POU2F1: variants seen among roughly 807,000 people sequenced by gnomAD.
POU2F1 encodes POU domain, class 2, transcription factor 1.
A neutral mutation model predicts 84.9 loss-of-function variants in POU2F1; 16 were observed. That is an observed-to-expected ratio of 0.19 (90% CI 0.13 to 0.29). The LOEUF is 0.29. Among genes scored for constraint, POU2F1 ranks in the 10% least tolerant of loss-of-function variants. POU2F1 has a pLI of 1.00. For synonymous variants in POU2F1, 368 were observed against 368.3 expected, an observed-to-expected ratio of 1.00 and a Z score of 0.01; for missense variants, 738 against 942.6, an observed-to-expected ratio of 0.78 and a Z score of 2.84.
At chr1:167,241,143 AAAATAAAT>A (rs916521381) in intron 1 of POU2F1, among the ~76,000 whole-genome samples, 4 of 152,192 alleles carry the variant, frequency 2.6e-5, no homozygotes, top group African/African-American at 7.2e-5. Flanking sequence ...ACGCCATCTA[AAAATAAAT>A]AAATAAATAA....
At chr1:167,285,518 G>T (rs551000317) in intron 1 of POU2F1, among the ~76,000 whole-genome samples, 1 of 152,002 alleles carries the variant, frequency 6.6e-6, no homozygotes, top group African/African-American at 2.4e-5. Flanking sequence ...CGTGAACCCC[G>T]GGAGGCAAAG....
At chr1:167,249,562 C>T (rs889886335) in intron 1 of POU2F1, among the ~76,000 whole-genome samples, 2 of 152,178 alleles carry the variant, frequency 1.3e-5, no homozygotes, top group African/African-American at 4.8e-5. Flanking sequence ...ACAGGAATGT[C>T]ATTCATGGAC....
At chr1:167,221,215 C>T (rs1312798405) in intron 1 of POU2F1, among the ~76,000 whole-genome samples, 1 of 151,432 alleles carries the variant, frequency 6.6e-6, no homozygotes, top group Non-Finnish European at 1.5e-5. Flanking sequence ...CCCGGCCCAC[C>T]CCGCCGCCGC....
chr1:167,363,517 T>C (rs1248981489), intron 2 of POU2F1, among the ~76,000 whole-genome samples: 6 of 152,318 alleles, frequency 3.9e-5, no homozygotes, highest in Non-Finnish European at 7.4e-5. Context: ...TTTAAAATAG[T>C]GAAACTTCTA....
chr1:167,383,757 CA>C (rs1647739658), intron 7 of POU2F1, 99 bp from the exon 8 acceptor site: 2 of 997,736 alleles, frequency 2.0e-6, no homozygotes, highest in Non-Finnish European at 3.0e-6. Context: ...TACCAGAGAT[CA>C]ACTGGAAATT....
At chr1:167,370,134 A>G in intron 3 of POU2F1, 27 bp from the exon 4 acceptor site, 3 of 1,594,024 alleles carry the variant, frequency 1.9e-6, no homozygotes, top group Non-Finnish European at 2.6e-6. Flanking sequence ...ACAGTATTAA[A>G]CTAGAACTTC....
chr1:167,312,210 A>G (rs1247069003), intron 1 of POU2F1, among the ~76,000 whole-genome samples: 1 of 150,710 alleles, frequency 6.6e-6, no homozygotes, highest in Non-Finnish European at 1.5e-5. Context: ...TGCTGGGATT[A>G]CAGGCGTGAG....
At chr1:167,274,199 G>A (rs537353694) in intron 1 of POU2F1, among the ~76,000 whole-genome samples, 3 of 152,210 alleles carry the variant, frequency 2.0e-5, no homozygotes, top group African/African-American at 7.2e-5. Flanking sequence ...TATTAGTTAC[G>A]TACCCCTCCT....
At chr1:167,410,521 A>T (rs71632307) in intron 13 of POU2F1, among the ~76,000 whole-genome samples, 21,944 of 150,536 alleles carry the variant, frequency 0.15, 1,846 homozygotes, top group Non-Finnish European at 0.2. Context: ...TATTATTATT[A>T]TTATTATTAT....
At chr1:167,375,953 A>T in intron 6 of POU2F1, 76 bp from the exon 7 acceptor site, 1 of 1,525,698 alleles carries the variant, frequency 6.6e-7, no homozygotes, top group Non-Finnish European at 9.0e-7. Flanking sequence ...GACAGAAGTC[A>T]TCAGCTGGAA....
chr1:167,320,708 C>T (rs963867691), intron 1 of POU2F1, among the ~76,000 whole-genome samples: 2 of 152,120 alleles, frequency 1.3e-5, no homozygotes, highest in Non-Finnish European at 2.9e-5. Flanking sequence ...ACAATAACAC[C>T]AGTAGGTGAA....
intron 1 of POU2F1, chr1:167,241,405 A>G (rs1039873214): frequency 6.6e-6 from 1 of 152,212 alleles, no homozygotes; most frequent in African/African-American, 2.4e-5. Context: ...TTATGATTCT[A>G]GCTACTACTG....
In POU2F1 at chr1:167,365,524, T is replaced by C; in HGVS notation, c.185T>C (p.Ile62Thr). ...QKQPVPVGGA[I>T]STAQAQAFLG... ...CAGCCTGTGCCTGTAGGAGGAGCAA[T>C]CTCAACAGCCCAGGCGCAGGCTTTC... Residue 62 changes from isoleucine (I) to threonine (T), a missense_variant, in exon 3 of 16, where the codon ATC (isoleucine) becomes ACC (threonine). Ile to Thr is a moderately conservative substitution (Grantham distance 89). Transcript: ENST00000367866. 6.2e-7 allele frequency: 1 copy of C among 1,603,478 alleles called. No homozygotes were observed. Among genetic ancestry groups the C allele is most frequent in the Non-Finnish European group, 8.5e-7 (1 of 1,175,430 alleles).
intron 8 of POU2F1, among the ~76,000 whole-genome samples, chr1:167,389,291 A>G (rs1360328770): frequency 6.6e-6 from 1 of 152,210 alleles, no homozygotes; most frequent in Non-Finnish European, 1.5e-5. Context: ...AAAAGACATA[A>G]GATATATGTA....
rs918008474 is a variant in POU2F1 at position 167,245,435 on chromosome 1, T to A, written c.61+24477T>A. On this transcript the variant is annotated intron_variant, in intron 1 of 15. Transcript: ENST00000367866. ...AATTTTTTTTTTTTTTTTTTTGAGATGGAGTTTTGCTCTTGTTCCCCAGGC... is the reference window on the plus strand; with the variant it reads ...AATTTTTTTTTTTTTTTTTTTGAGAAGGAGTTTTGCTCTTGTTCCCCAGGC... Among the ~76,000 whole-genome samples the A allele has an allele frequency of 4.8e-5, 7 of 147,100 alleles. No individual in the cohort carries two copies. The Admixed American group carries it at 4.8e-4, about 10-fold the overall frequency.
At chr1:167,225,278 C>T (rs1648546426) in intron 1 of POU2F1, among the ~76,000 whole-genome samples, 1 of 152,190 alleles carries the variant, frequency 6.6e-6, no homozygotes, top group African/African-American at 2.4e-5. Flanking sequence ...AATTTTTAAC[C>T]TCTTCCCTCA....
chr1:167,389,477 G>A (rs1648227153), intron 8 of POU2F1, 111 bp from the exon 9 acceptor site: 2 of 1,124,214 alleles, frequency 1.8e-6, no homozygotes, highest in African/African-American at 3.1e-5. Context: ...AGTGTTACAT[G>A]GTCTTCATCG....
chr1:167,369,000 A>G (rs868457299), intron 3 of POU2F1, among the ~76,000 whole-genome samples: 20 of 152,098 alleles, frequency 1.3e-4, no homozygotes, highest in Admixed American at 3.9e-4. Flanking sequence ...CAGGATCCTT[A>G]TGTAGTGCAT....
chr1:167,401,980 A>G lies in POU2F1; in HGVS notation c.1555+424A>G, dbSNP rs1348545501. Among the ~76,000 whole-genome samples the G allele has an allele frequency of 2.0e-5, 3 of 152,234 alleles. No individual in the cohort carries two copies. In the South Asian group the frequency reaches 6.2e-4, roughly 31 times the overall value. On this transcript the variant is annotated intron_variant, in intron 13 of 15. Transcript: ENST00000367866. ...TATTCTTTAGCTTTCCCAGGAAACT[A>G]TTCATTTCCATGTACCTGTATTATA...
Sources: allele counts gnomAD v4.1 joint callset (sites outside exome capture counted in the v4.1 genomes callset), GRCh38; gene constraint gnomAD v4.1.1; transcripts MANE v1.5; gene names NCBI Gene and HGNC (gene_info 2026-07-23, HGNC 2026-07-21).